Variants in RBFOX1 observed in about 807,000 individuals in gnomAD.
The protein encoded by RBFOX1 is RNA binding fox-1 homolog 1.
A neutral mutation model predicts 57.7 loss-of-function variants in RBFOX1; 8 were observed. That is an observed-to-expected ratio of 0.14 (90% CI 0.08 to 0.25). RBFOX1 has a LOEUF of 0.25. RBFOX1 is among the 10% of genes least tolerant of loss of function. The pLI is 1.00. For synonymous variants in RBFOX1, 326 were observed against 222.4 expected (o/e 1.47, Z -4.15); for missense variants, 611 against 548.5 (o/e 1.11, Z -1.14).
chr16:6,801,687 G>C (rs376660957), intron 3 of RBFOX1, among the ~76,000 whole-genome samples: 1 of 152,184 alleles, frequency 6.6e-6, no homozygotes, highest in East Asian at 1.9e-4. Flanking sequence ...GCTATTTCTC[G>C]TGGTCTAATA....
chr16:7,125,868 A>C (rs1027712967), intron 4 of RBFOX1, among the ~76,000 whole-genome samples: 2 of 152,138 alleles, frequency 1.3e-5, no homozygotes, highest in African/African-American at 4.8e-5. Context: ...GGATTACCTG[A>C]GGTCAGGAGT....
chr16:6,183,250 G>T (rs1005846458), intron 1 of RBFOX1, among the ~76,000 whole-genome samples: 8 of 151,984 alleles, frequency 5.3e-5, no homozygotes, highest in Non-Finnish European at 1.2e-4. Flanking sequence ...GGAGGCCAAG[G>T]CGGGCAGATC....
intron 4 of RBFOX1, among the ~76,000 whole-genome samples, chr16:7,443,129 A>G (rs2098782136): frequency 1.3e-5 from 2 of 152,198 alleles, no homozygotes; most frequent in South Asian, 4.1e-4. Flanking sequence ...TTCGATTCCT[A>G]TGGAGATGTT....
At chr16:6,752,640 C>T (rs925473338) in intron 3 of RBFOX1, among the ~76,000 whole-genome samples, 1 of 152,148 alleles carries the variant, frequency 6.6e-6, no homozygotes, top group Non-Finnish European at 1.5e-5. Flanking sequence ...TCTTCCATTC[C>T]CCTGCTCTGG....
chr16:5,349,821 G>C (rs1399882735), intron 1 of RBFOX1, among the ~76,000 whole-genome samples: 1 of 152,224 alleles, frequency 6.6e-6, no homozygotes, highest in East Asian at 1.9e-4. Flanking sequence ...CTTGGCCCAC[G>C]CCCTGCTCTG....
Position 6,746,260 on chromosome 16 carries a change from A to G in RBFOX1, c.-16+91610A>G, listed in dbSNP as rs75396728. On this transcript the variant is annotated intron_variant, in intron 3 of 15. Coordinates refer to ENST00000550418, the MANE Select transcript of RBFOX1 (RefSeq NM_018723.4). ...CCTTTTTTTCAATAAAAACTCCCAAACATATTCTAAAATTCATATAGAAGT... is the reference window on the plus strand; with the variant it reads ...CCTTTTTTTCAATAAAAACTCCCAAGCATATTCTAAAATTCATATAGAAGT... 8.2e-3 allele frequency among the ~76,000 whole-genome samples: 1,246 copies of G among 152,266 alleles called. 20 individuals are homozygous for G. Among genetic ancestry groups the G allele is most frequent in the African/African-American group, 0.028 (1,158 of 41,558 alleles).
chr16:5,424,135 T>C (rs2067440570), intron 1 of RBFOX1, among the ~76,000 whole-genome samples: 2 of 152,202 alleles, frequency 1.3e-5, no homozygotes, highest in Admixed American at 1.3e-4. Context: ...TAATCCCTCA[T>C]GGTTAATAAA....
At chr16:5,634,884 C>G (rs1052433161) in intron 3 of RBFOX1, among the ~76,000 whole-genome samples, 2 of 152,202 alleles carry the variant, frequency 1.3e-5, no homozygotes. Context: ...TTTTTACTCA[C>G]AAGTGTTTAT....
In RBFOX1 at chr16:7,069,228, G is replaced by A. The variant is rs539655154; in HGVS notation, c.27+17130G>A. Among the ~76,000 whole-genome samples, 3 of 152,194 alleles carry A rather than the reference G, an allele frequency of 2.0e-5. No individual in the cohort carries two copies. The South Asian group carries it at 6.2e-4, about 32-fold the overall frequency. On this transcript the variant is annotated intron_variant, in intron 4 of 15. Coordinates refer to ENST00000550418, the MANE Select transcript of RBFOX1 (RefSeq NM_018723.4). ...GTTTTTTAAGTTCCAGGATACATGT[G>A]CAGGATGTGCAGGTTTGTTACATAG...
intron 3 of RBFOX1, among the ~76,000 whole-genome samples, chr16:6,715,967 T>C (rs750297150): frequency 5.9e-5 from 9 of 151,974 alleles, no homozygotes; most frequent in African/African-American, 9.7e-5. Flanking sequence ...ACGACGCAAT[T>C]GACCAGGTGT....
intron 4 of RBFOX1, among the ~76,000 whole-genome samples, chr16:7,251,768 C>G (rs1164719732): frequency 6.6e-6 from 1 of 152,100 alleles, no homozygotes; most frequent in African/African-American, 2.4e-5. Context: ...CATATCTTAG[C>G]TATAGTGAAT....
At chr16:7,403,179 G>T (rs948575850) in intron 4 of RBFOX1, among the ~76,000 whole-genome samples, 5 of 152,108 alleles carry the variant, frequency 3.3e-5, no homozygotes, top group Admixed American at 2.6e-4. Context: ...ATTATGCAGT[G>T]ACCACCACTC....
chr16:5,567,666 A>G (rs2046121722), intron 2 of RBFOX1, among the ~76,000 whole-genome samples: 1 of 132,490 alleles, frequency 7.5e-6, no homozygotes, highest in Admixed American at 8.5e-5. Flanking sequence ...AAAGCCTCCT[A>G]GATGGAAGGG....
In RBFOX1 at chr16:7,197,011, C is replaced by T. The variant is rs138938492; in HGVS notation, c.27+144913C>T. ...GTAATTTTAAGGAGAGTTTAAAAGA[C>T]TCCATTTCGAAGGTGCACACCATAG... is the stretch of plus-strand genomic sequence containing the variant. On this transcript the variant is annotated intron_variant, in intron 4 of 15. Transcript: ENST00000550418. Among the ~76,000 whole-genome samples the T allele has an allele frequency of 1.0e-3, 155 of 152,280 alleles. 1 individual carries two copies. Among genetic ancestry groups the T allele is most frequent in the African/African-American group, 3.6e-3 (150 of 41,560 alleles).
intron 3 of RBFOX1, among the ~76,000 whole-genome samples, chr16:5,740,315 C>T (rs1013368288): frequency 6.6e-6 from 1 of 152,162 alleles, no homozygotes; most frequent in Non-Finnish European, 1.5e-5. Flanking sequence ...GCCTGAGACT[C>T]CAAGGGGGCT....
At chr16:6,968,731 A>ATCTCCCTCC (rs1490441358) in intron 3 of RBFOX1, among the ~76,000 whole-genome samples, 5 of 151,942 alleles carry the variant, frequency 3.3e-5, no homozygotes, top group East Asian at 1.9e-4. Flanking sequence ...AGCTGGCCTC[A>ATCTCCCTCC]TCTCCCTCCT....
chr16:6,970,264 G>A (rs2153567184), intron 3 of RBFOX1, among the ~76,000 whole-genome samples: 1 of 152,202 alleles, frequency 6.6e-6, no homozygotes, highest in South Asian at 2.1e-4. Flanking sequence ...GAATAAGAAG[G>A]CAGGGTACTT....
intron 4 of RBFOX1, among the ~76,000 whole-genome samples, chr16:7,336,381 T>C (rs2096788061): frequency 6.6e-6 from 1 of 152,248 alleles, no homozygotes; most frequent in Admixed American, 6.5e-5. Flanking sequence ...CAAGTCACTT[T>C]CACTATTGGA....
At chr16:6,547,746 A>G (rs754457051) in intron 2 of RBFOX1, among the ~76,000 whole-genome samples, 4 of 151,924 alleles carry the variant, frequency 2.6e-5, no homozygotes, top group Admixed American at 1.3e-4. Context: ...TTTCGTTTAG[A>G]CCAGGGGTCC....
Sources: gnomAD v4.1 joint callset for allele counts (sites outside exome capture counted in the v4.1 genomes callset) on GRCh38, gnomAD v4.1.1 for gene constraint, MANE v1.5 for transcripts, NCBI Gene and HGNC (gene_info 2026-07-23, HGNC 2026-07-21) for gene names.